The following PRKCI variants were observed in gnomAD, a reference collection of about 807,000 sequenced individuals.
The protein encoded by PRKCI is protein kinase C iota type.
PRKCI carries 43 observed loss-of-function variants against 84.0 expected under a neutral mutation model. The ratio of observed to expected loss-of-function variants is 0.51; its 90% CI spans 0.40 to 0.66. The LOEUF (loss-of-function observed/expected upper bound fraction) is 0.66, where lower values mean the gene tolerates loss of function less well. PRKCI is among the 30% of genes least tolerant of loss of function. PRKCI has a pLI of 0.00. For synonymous variants in PRKCI, 216 were observed against 234.4 expected (o/e 0.92, Z 0.72); for missense variants, 459 against 745.6 (o/e 0.62, Z 4.48).
At position 170,228,084 on chromosome 3, in the gene PRKCI, C is replaced by A. The variant is rs550243989; in HGVS notation, c.101+5314C>A. 4.6e-5 allele frequency among the ~76,000 whole-genome samples: 7 copies of A among 152,168 alleles called. No individual in the cohort carries two copies. In the East Asian group the frequency reaches 1.4e-3, roughly 29 times the overall value. ...TTAATTAATTGGCTGGAACAATTCACTGAATTTTGAGTTCTAGGTGTTTAT... is the reference window on the plus strand; with the variant it reads ...TTAATTAATTGGCTGGAACAATTCAATGAATTTTGAGTTCTAGGTGTTTAT... On this transcript the variant is annotated intron_variant, in intron 1 of 17. Coordinates refer to ENST00000295797, the MANE Select transcript of PRKCI (RefSeq NM_002740.6).
At chr3:170,281,677 G>GTAGTAGGTTA in intron 10 of PRKCI, 1 of 541,716 alleles carries the variant, frequency 1.8e-6, no homozygotes, top group South Asian at 4.9e-5. Flanking sequence ...TAGAACAGAA[G>GTAGTAGGTTA]TAGTAGGTTA....
Position 170,281,222 on chromosome 3 carries a change from T to G in PRKCI, c.939T>G (p.Pro313=), listed in dbSNP as rs1734234563. The G allele has an allele frequency of 6.2e-7, 1 of 1,613,760 alleles. No homozygotes were observed. Among genetic ancestry groups the G allele is most frequent in the South Asian group, 1.1e-5 (1 of 91,076 alleles). The change falls in exon 10 of 18, where the codon CCT becomes CCG. Residue 313 remains proline, a synonymous_variant. Coordinates refer to ENST00000295797, the MANE Select transcript of PRKCI (RefSeq NM_002740.6). The part of the protein sequence containing the change: ...KHVFEQASNH[P]FLVGLHSCFQ... ...TGTTTGAGCAGGCATCCAATCATCC[T>G]TTCCTTGTTGGGCTGCATTCTTGCT...
At chr3:170,292,023 A>G (rs1339107965) in intron 13 of PRKCI, 82 bp downstream of exon 13, 3 of 946,558 alleles carry the variant, frequency 3.2e-6, no homozygotes, top group South Asian at 2.7e-5. Context: ...ACAGTACACT[A>G]ATGCATTTTG....
At chr3:170,276,326 T>G (rs545594778) in intron 8 of PRKCI, among the ~76,000 whole-genome samples, 4 of 152,350 alleles carry the variant, frequency 2.6e-5, no homozygotes, top group Admixed American at 2.0e-4. Context: ...AATTCATGTC[T>G]AGCCTTATTT....
At chr3:170,229,811 T>C (rs1243426285) in intron 1 of PRKCI, among the ~76,000 whole-genome samples, 1 of 152,250 alleles carries the variant, frequency 6.6e-6, no homozygotes, top group Non-Finnish European at 1.5e-5. Flanking sequence ...TTCTGCCTTA[T>C]ATTCCCATTG....
chr3:170,283,609 C>T (rs997593532), intron 11 of PRKCI, among the ~76,000 whole-genome samples: 6 of 152,140 alleles, frequency 3.9e-5, no homozygotes, highest in Non-Finnish European at 8.8e-5. Context: ...GAATTGTGAA[C>T]ATAGCCAATA....
At chr3:170,291,548 T>C (rs1484428371) in intron 12 of PRKCI, 2 of 235,864 alleles carry the variant, frequency 8.5e-6, no homozygotes, top group Non-Finnish European at 1.7e-5. Flanking sequence ...AATACAAAAA[T>C]TAGCTGGGTG....
intron 17 of PRKCI, among the ~76,000 whole-genome samples, chr3:170,300,840 C>T (rs1734802346): frequency 6.6e-6 from 1 of 152,118 alleles, no homozygotes; most frequent in African/African-American, 2.4e-5. Flanking sequence ...GCATTTGGTA[C>T]TCATGGCTTT....
intron 13 of PRKCI, among the ~76,000 whole-genome samples, chr3:170,292,649 G>A (rs896764919): frequency 6.6e-6 from 1 of 150,530 alleles, no homozygotes; most frequent in African/African-American, 2.4e-5. Flanking sequence ...GGCGGAGCTT[G>A]CAGTGAACCG....
intron 2 of PRKCI, among the ~76,000 whole-genome samples, chr3:170,250,537 G>A (rs190070617): frequency 1.4e-5 from 2 of 139,742 alleles, no homozygotes; most frequent in Admixed American, 1.6e-4. Flanking sequence ...ACTAATCCAC[G>A]ATATGTTTCT....
At position 170,287,908 on chromosome 3, in the gene PRKCI, C is replaced by CAAA. The variant is rs750366555; in HGVS notation, c.1203+3332_1203+3334dup. 8.9e-4 allele frequency among the ~76,000 whole-genome samples: 45 copies of CAAA among 50,436 alleles called. No individual in the cohort carries two copies. In the South Asian group the frequency reaches 0.015, roughly 17 times the overall value. 33.1% of individuals were successfully genotyped at this position (50,436 alleles called of 152,430 possible). A position where few individuals can be genotyped will look rare whatever the true frequency, so the allele number is the denominator to read the frequency against. On this transcript the variant is annotated intron_variant, in intron 12 of 17. Transcript: ENST00000295797. ...TGGGTGACAAAGTGAGACTCTGTCT[C>CAAA]AAAAAAAAAAAAAAAAAAAAAAGAA...
chr3:170,236,790 G>T (rs113723866), intron 2 of PRKCI, among the ~76,000 whole-genome samples: 40 of 151,300 alleles, frequency 2.6e-4, no homozygotes, highest in African/African-American at 9.7e-4. Context: ...GAGCCTGGAA[G>T]GTCAAGGCTG....
chr3:170,297,426 T>G (rs761103972), intron 16 of PRKCI, 33 bp downstream of exon 16: 1 of 1,537,270 alleles, frequency 6.5e-7, no homozygotes, highest in Non-Finnish European at 8.9e-7. Flanking sequence ...ACTATTAGGT[T>G]TCATTATTAT....
chr3:170,257,256 A>C (rs1245833460), intron 2 of PRKCI, among the ~76,000 whole-genome samples: 2 of 152,354 alleles, frequency 1.3e-5, no homozygotes, highest in East Asian at 3.9e-4. Flanking sequence ...ACCGAGACAC[A>C]GGATTTCTTA....
intron 6 of PRKCI, among the ~76,000 whole-genome samples, chr3:170,271,120 A>G (rs1382689349): frequency 6.6e-6 from 1 of 152,198 alleles, no homozygotes; most frequent in Non-Finnish European, 1.5e-5. Context: ...GGTAATTGTC[A>G]TTTGGTGGAT....
intron 2 of PRKCI, among the ~76,000 whole-genome samples, chr3:170,254,933 T>C (rs1733543871): frequency 6.6e-6 from 1 of 151,870 alleles, no homozygotes; most frequent in Non-Finnish European, 1.5e-5. Flanking sequence ...ATTTTAACAG[T>C]ATTGATTCTT....
chr3:170,277,029 C>T (rs1356522677), intron 8 of PRKCI, among the ~76,000 whole-genome samples: 1 of 150,590 alleles, frequency 6.6e-6, no homozygotes, highest in Non-Finnish European at 1.5e-5. Context: ...TCACTTGAGG[C>T]CAGGAGTTTG....
rs559652967 is a variant in PRKCI at position 170,231,256 on chromosome 3, C to T, written c.102-3974C>T. Among the ~76,000 whole-genome samples the T allele has an allele frequency of 6.6e-5, 10 of 151,986 alleles. No individual in the cohort carries two copies. In the South Asian group the frequency reaches 8.3e-4, roughly 13 times the overall value. On this transcript the variant is annotated intron_variant, in intron 1 of 17. Coordinates refer to ENST00000295797, the MANE Select transcript of PRKCI (RefSeq NM_002740.6). ...GATTACAGGCTTGAGCCACCGTGCCCGGCCTATTCCTATATATTTTATAAT... is the reference window on the plus strand; with the variant it reads ...GATTACAGGCTTGAGCCACCGTGCCTGGCCTATTCCTATATATTTTATAAT...
At chr3:170,269,612 C>T (rs1733950336) in intron 5 of PRKCI, among the ~76,000 whole-genome samples, 1 of 152,114 alleles carries the variant, frequency 6.6e-6, no homozygotes, top group African/African-American at 2.4e-5. Context: ...CTCCACTGGA[C>T]TCCAGCCTGG....
Sources: gnomAD v4.1 joint callset for allele counts (sites outside exome capture counted in the v4.1 genomes callset) on GRCh38, gnomAD v4.1.1 for gene constraint, MANE v1.5 for transcripts, NCBI Gene and HGNC (gene_info 2026-07-23, HGNC 2026-07-21) for gene names.